The following EXOC6 variants were observed in gnomAD, a reference collection of about 807,000 sequenced individuals.
EXOC6 encodes SEC15-like 1.
EXOC6 carries 60 observed loss-of-function variants against 112.5 expected under a neutral mutation model. The ratio of observed to expected loss-of-function variants is 0.53; its 90% CI spans 0.43 to 0.66. EXOC6 has a LOEUF of 0.66. Among genes scored for constraint, EXOC6 ranks in the 30% least tolerant of loss-of-function variants. The probability of loss-of-function intolerance (pLI) is 0.00; values close to 1 mark genes in which losing one functional copy is unlikely to be tolerated. For synonymous variants in EXOC6, 295 were observed against 308.0 expected (o/e 0.96, Z 0.44); for missense variants, 855 against 957.1 (o/e 0.89, Z 1.41).
At chr10:92,931,620 A>G (rs113243981) in intron 9 of EXOC6, among the ~76,000 whole-genome samples, 309 of 151,328 alleles carry the variant, frequency 2.0e-3, no homozygotes, top group Middle Eastern at 3.4e-3. Flanking sequence ...TGGATGGAGA[A>G]TGGACAAAAG....
At chr10:92,881,769 T>C (rs1848976547) in intron 1 of EXOC6, among the ~76,000 whole-genome samples, 1 of 151,938 alleles carries the variant, frequency 6.6e-6, no homozygotes. Flanking sequence ...GGTGGAGATA[T>C]TGAATCATGG....
At chr10:92,971,310 C>T (rs1554906132) in intron 17 of EXOC6, among the ~76,000 whole-genome samples, 1 of 151,950 alleles carries the variant, frequency 6.6e-6, no homozygotes, top group Non-Finnish European at 1.5e-5. Context: ...TCCCAAAGTG[C>T]TGGGATTACA....
chr10:93,056,260 A>T (rs1029364151), intron 20 of EXOC6, among the ~76,000 whole-genome samples: 1 of 152,166 alleles, frequency 6.6e-6, no homozygotes, highest in African/African-American at 2.4e-5. Flanking sequence ...GTAAATAGTC[A>T]ATTTTAAGAC....
chr10:92,986,095 G>A (rs377734626), intron 18 of EXOC6, among the ~76,000 whole-genome samples: 1 of 152,198 alleles, frequency 6.6e-6, no homozygotes, highest in East Asian at 1.9e-4. Flanking sequence ...ATGTAAAAAT[G>A]ATATATTGTG....
chr10:92,849,218 G>C (rs1376629718), intron 1 of EXOC6, among the ~76,000 whole-genome samples: 1 of 151,664 alleles, frequency 6.6e-6, no homozygotes, highest in African/African-American at 2.4e-5. Context: ...GGAGAAGAGA[G>C]CGTGGGCTGG....
At chr10:92,952,193 A>G in intron 14 of EXOC6, 80 bp from the exon 15 acceptor site, 1 of 816,812 alleles carries the variant, frequency 1.2e-6, no homozygotes, top group Non-Finnish European at 2.0e-6. Flanking sequence ...GTGTGAAATC[A>G]ATTTAATTTT....
chr10:93,035,942 C>A (rs1355327630), intron 20 of EXOC6, among the ~76,000 whole-genome samples: 2 of 152,066 alleles, frequency 1.3e-5, no homozygotes, highest in African/African-American at 4.8e-5. Flanking sequence ...GCTCTCAGGC[C>A]GGGCACGGTG....
At chr10:92,843,033 A>G (rs985020568) in intron 1 of EXOC6, among the ~76,000 whole-genome samples, 2 of 152,208 alleles carry the variant, frequency 1.3e-5, no homozygotes, top group African/African-American at 4.8e-5. Flanking sequence ...CATTTAATAA[A>G]AATAGTTGTT....
chr10:92,954,207 G>C (rs747496425), intron 15 of EXOC6, among the ~76,000 whole-genome samples: 3 of 152,140 alleles, frequency 2.0e-5, no homozygotes, highest in Admixed American at 1.3e-4. Flanking sequence ...TTGGGTCCAG[G>C]ACTTTGGGGC....
chr10:93,042,123 C>CT (rs1845807344), intron 20 of EXOC6, among the ~76,000 whole-genome samples: 1 of 152,190 alleles, frequency 6.6e-6, no homozygotes, highest in Admixed American at 6.5e-5. Context: ...ATACTACCCC[C>CT]TTACTCATAT....
chr10:92,883,619 A>G (rs1410166870), intron 1 of EXOC6, among the ~76,000 whole-genome samples: 1 of 152,178 alleles, frequency 6.6e-6, no homozygotes, highest in Non-Finnish European at 1.5e-5. Flanking sequence ...TATGCTAGAA[A>G]TTAAGCTTGA....
Position 92,997,537 on chromosome 10 carries a change from A to G in EXOC6, c.2017A>G (p.Met673Val), listed in dbSNP as rs1313565707. The change falls in exon 19 of 22, where the codon ATG becomes GTG. Residue 673 changes from methionine to valine, a missense_variant. Coordinates refer to ENST00000260762, the MANE Select transcript of EXOC6 (RefSeq NM_019053.6). Reference sequence around the variant, plus strand: ...GCATCTGTCAACATCCTTAATGCAGATGCTACTGGACAGTGAGTTAAAACA... The same window carrying G: ...GCATCTGTCAACATCCTTAATGCAGGTGCTACTGGACAGTGAGTTAAAACA... ...CQHLSTSLMQ[M>V]LLDSELKQIS... 1.2e-6 allele frequency: 2 copies of G among 1,613,558 alleles called. No homozygotes were observed. Among genetic ancestry groups the G allele is most frequent in the Middle Eastern group, 1.7e-4 (1 of 6,058 alleles).
At chr10:92,873,668 C>G (rs939115722) in intron 1 of EXOC6, among the ~76,000 whole-genome samples, 2 of 152,050 alleles carry the variant, frequency 1.3e-5, no homozygotes, top group Admixed American at 1.3e-4. Flanking sequence ...GCACATATAG[C>G]AAACTAGATG....
At chr10:92,884,366 A>G (rs113204412) in intron 1 of EXOC6, among the ~76,000 whole-genome samples, 2 of 152,336 alleles carry the variant, frequency 1.3e-5, no homozygotes, top group African/African-American at 4.8e-5. Context: ...TCTTAAAAGC[A>G]GTTGATTGAC....
intron 20 of EXOC6, among the ~76,000 whole-genome samples, chr10:93,034,142 A>G (rs1298094413): frequency 6.6e-6 from 1 of 152,224 alleles, no homozygotes; most frequent in African/African-American, 2.4e-5. Context: ...TTTACCTGGC[A>G]TGCTTAATCT....
At chr10:93,056,272 C>T (rs552752625) in intron 20 of EXOC6, among the ~76,000 whole-genome samples, 1 of 152,088 alleles carries the variant, frequency 6.6e-6, no homozygotes, top group Non-Finnish European at 1.5e-5. Context: ...TTTTAAGACA[C>T]CACGGGAAAC....
At chr10:92,884,346 T>G (rs1033496776) in intron 1 of EXOC6, among the ~76,000 whole-genome samples, 8 of 152,234 alleles carry the variant, frequency 5.3e-5, no homozygotes, top group Non-Finnish European at 1.2e-4. Context: ...TCTTGCTAGT[T>G]TTTGTTTTTT....
In EXOC6 at chr10:92,974,829, A is replaced by T. The variant is rs1474350097; in HGVS notation, c.1953+597A>T. Among the ~76,000 whole-genome samples, 3 of 152,104 alleles carry T rather than the reference A, an allele frequency of 2.0e-5. No homozygotes were observed. The East Asian group carries it at 5.8e-4, about 29-fold the overall frequency. On this transcript the variant is annotated intron_variant, in intron 18 of 21. Transcript: ENST00000260762. ...GTGATCCGCCAGCCTCGGCCTCCCGAGGTGCCGGGATTGCAGATGGAGTCT... is the reference window on the plus strand; with the variant it reads ...GTGATCCGCCAGCCTCGGCCTCCCGTGGTGCCGGGATTGCAGATGGAGTCT...
At position 92,891,504 on chromosome 10, in the gene EXOC6, C is replaced by T. The variant is rs570882586; in HGVS notation, c.102-1845C>T. ...TAAATTCTTTTTTTTCTTTTTTAGA[C>T]GGAGTTTCACTCTGTCACCCAGGCT... On this transcript the variant is annotated intron_variant, in intron 1 of 21. Transcript: ENST00000260762. Among the ~76,000 whole-genome samples the T allele has an allele frequency of 5.0e-4, 76 of 152,152 alleles. 1 individual carries two copies. Among genetic ancestry groups the T allele is most frequent in the South Asian group, 2.3e-3 (11 of 4,830 alleles).
Sources: gnomAD v4.1 joint callset for allele counts (sites outside exome capture counted in the v4.1 genomes callset) on GRCh38, gnomAD v4.1.1 for gene constraint, MANE v1.5 for transcripts, NCBI Gene and HGNC (gene_info 2026-07-23, HGNC 2026-07-21) for gene names.